The following FRMD3 variants were observed in gnomAD, a reference collection of about 807,000 sequenced individuals.
FRMD3 encodes the protein FERM domain-containing protein 3.
In FRMD3, 33 loss-of-function variants were observed where a neutral mutation model predicts 70.2. The observed-to-expected ratio is 0.47, with a 90% CI of 0.36 to 0.63. FRMD3 has a LOEUF of 0.63. Among genes scored for constraint, FRMD3 ranks in the 20% least tolerant of loss-of-function variants. The pLI is 0.00. For missense variants in FRMD3, 632 were observed against 711.4 expected (o/e 0.89, Z 1.27); for synonymous variants, 279 against 255.9 (o/e 1.09, Z -0.86).
intron 1 of FRMD3, among the ~76,000 whole-genome samples, chr9:83,516,203 T>A (rs1829451932): frequency 1.3e-5 from 2 of 151,686 alleles, no homozygotes; most frequent in Non-Finnish European, 2.9e-5. Context: ...GACCCATCAG[T>A]GTGTTGTATT....
intron 10 of FRMD3, among the ~76,000 whole-genome samples, chr9:83,308,740 C>A (rs1283805598): frequency 6.6e-6 from 1 of 152,154 alleles, no homozygotes; most frequent in Non-Finnish European, 1.5e-5. Context: ...TTTCTATGAT[C>A]CTAGGCTCTG....
rs113242720 is a variant in FRMD3, at chr9:83,509,125, G to A, written c.147+28960C>T. 7.3e-5 allele frequency among the ~76,000 whole-genome samples: 11 copies of A among 151,618 alleles called. 1 individual carries two copies. The highest frequency in any genetic ancestry group is 1.5e-4 in the African/African-American group (6 of 41,216). ...GGAGAATGTAAGCTCCATGAGGACC[G>A]GAATTTCTGTGTGTTTTTTCCGTAG... On this transcript the variant is annotated intron_variant, in intron 1 of 13. Transcript: ENST00000304195.
At chr9:83,323,210 C>A (rs1835870602) in intron 6 of FRMD3, among the ~76,000 whole-genome samples, 1 of 152,078 alleles carries the variant, frequency 6.6e-6, no homozygotes, top group African/African-American at 2.4e-5. Context: ...GCATGTTGCA[C>A]CAAGAAATAG....
intron 1 of FRMD3, among the ~76,000 whole-genome samples, chr9:83,466,907 C>G (rs1037705170): frequency 2.6e-5 from 4 of 152,096 alleles, no homozygotes; most frequent in African/African-American, 9.7e-5. Context: ...CTGGAACACC[C>G]AAAAAGATGC....
In FRMD3 at chr9:83,519,935, T is replaced by G. The variant is rs576604282; in HGVS notation, c.147+18150A>C. Among the ~76,000 whole-genome samples the G allele has an allele frequency of 1.4e-3, 207 of 151,770 alleles. 1 individual carries two copies. The highest frequency in any genetic ancestry group is 4.4e-3 in the African/African-American group (180 of 41,320). ...GCATGTTCTCACTCATAAGTGGGAG[T>G]TGAACAATGAGAACATATGGGCACA... On this transcript the variant is annotated intron_variant, in intron 1 of 13. Transcript: ENST00000304195.
chr9:83,492,358 T>C (rs1564102790), intron 1 of FRMD3, among the ~76,000 whole-genome samples: 1 of 147,528 alleles, frequency 6.8e-6, no homozygotes, highest in African/African-American at 2.6e-5. Flanking sequence ...GAGCTATTTT[T>C]AAAAAGAAAA....
chr9:83,269,657 C>T (rs1005056916), intron 13 of FRMD3, among the ~76,000 whole-genome samples: 4 of 151,866 alleles, frequency 2.6e-5, no homozygotes, highest in East Asian at 1.9e-4. Context: ...TGCAGCAAGC[C>T]GAGATCTCAC....
intron 10 of FRMD3, among the ~76,000 whole-genome samples, chr9:83,303,650 T>G (rs1459361984): frequency 6.6e-6 from 1 of 152,244 alleles, no homozygotes; most frequent in East Asian, 1.9e-4. Context: ...CTTCTAGCAC[T>G]GCCAACACCT....
rs1306467559 is a variant in FRMD3, at chr9:83,247,123, TTTGAAAAA to T, written c.*787_*794del. The T allele has an allele frequency of 1.0e-6, 1 of 985,292 alleles. No homozygotes were observed. The highest frequency in any genetic ancestry group is 1.7e-5 in the African/African-American group (1 of 57,226). 61.0% of individuals were successfully genotyped at this position (985,292 alleles called of 1,614,324 possible). On this transcript the variant is annotated 3_prime_UTR_variant, in exon 14 of 14. Transcript: ENST00000304195. ...ATAACAAGTCCTCTTGTCCAAATAC[TTTGAAAAA>T]TGGACCACCCTGAGTCCACTTGATG...
intron 1 of FRMD3, among the ~76,000 whole-genome samples, chr9:83,502,671 G>C (rs1341390581): frequency 1.3e-5 from 2 of 152,268 alleles, no homozygotes; most frequent in Admixed American, 1.3e-4. Flanking sequence ...GGGCAGCAGA[G>C]GTTACCTCCA....
Position 83,538,205 on chromosome 9 carries a change from C to T in FRMD3, c.27G>A (p.Pro9=). The T allele has an allele frequency of 1.9e-6, 3 of 1,592,132 alleles. No individual in the cohort carries two copies. Among genetic ancestry groups the T allele is most frequent in the African/African-American group, 1.3e-5 (1 of 74,660 alleles). MFASCHCV[P]RGRRTMKMIH... ...TCATTTTCATGGTCCTCCTGCCTCTCGGCACACAGTGGCAGGAGGCGAACA... is the reference window on the plus strand; with the variant it reads ...TCATTTTCATGGTCCTCCTGCCTCTTGGCACACAGTGGCAGGAGGCGAACA... The change falls in exon 1 of 14, where the codon CCG becomes CCA. Residue 9 remains proline (P), a synonymous_variant. Transcript: ENST00000304195. The surrounding 1 kb of genome is among the most constrained non-coding windows in gnomAD (Gnocchi z 4.7).
chr9:83,267,410 G>T, intron 13 of FRMD3: 3 of 757,144 alleles, frequency 4.0e-6, no homozygotes, highest in Non-Finnish European at 5.4e-6. Flanking sequence ...AAACCTTCCG[G>T]ACCAAAACAG....
chr9:83,568,971 C>G, the FRMD3 span, among the ~76,000 whole-genome samples: 10,526 of 148,444 alleles, frequency 0.071, 392 homozygotes, highest in South Asian at 0.11. Context: ...TACATACATA[C>G]ATACATACAT....
chr9:83,504,605 C>G (rs925864813), intron 1 of FRMD3, among the ~76,000 whole-genome samples: 1 of 148,500 alleles, frequency 6.7e-6, no homozygotes, highest in Non-Finnish European at 1.5e-5. Context: ...CTTCCCCCCC[C>G]ACCACTTCTT....
the FRMD3 span, among the ~76,000 whole-genome samples, chr9:83,544,532 A>C: frequency 6.6e-6 from 1 of 152,178 alleles, no homozygotes. Context: ...AAAAAGATCA[A>C]GTATATACCC....
Position 83,247,003 on chromosome 9 carries a change from T to A in FRMD3, c.*915A>T. ...TAATGTACATTGATATGCAACTGAC[T>A]AGCACATCTGTTACCTTTTTTCCTT... On this transcript the variant is annotated 3_prime_UTR_variant, in exon 14 of 14. Coordinates refer to ENST00000304195, the MANE Select transcript of FRMD3 (RefSeq NM_174938.6). 1.0e-5 allele frequency: 10 copies of A among 985,458 alleles called. No individual in the cohort carries two copies. Among genetic ancestry groups the A allele is most frequent in the Non-Finnish European group, 1.2e-5 (10 of 829,932 alleles). 61.0% of individuals were successfully genotyped at this position (985,458 alleles called of 1,614,324 possible).
intron 3 of FRMD3, among the ~76,000 whole-genome samples, chr9:83,357,224 TTTTATATA>T (rs1824382447): frequency 3.6e-5 from 1 of 27,994 alleles, no homozygotes; most frequent in African/African-American, 2.1e-4. Flanking sequence ...AATATATATA[TTTTATATA>T]TATATAATAC....
At chr9:83,427,310 C>T (rs1826839903) in intron 1 of FRMD3, among the ~76,000 whole-genome samples, 1 of 152,170 alleles carries the variant, frequency 6.6e-6, no homozygotes, top group South Asian at 2.1e-4. Context: ...GTCATAGGTT[C>T]CCCTCTGGCC....
the FRMD3 span, among the ~76,000 whole-genome samples, chr9:83,582,779 A>T: frequency 6.6e-6 from 1 of 152,218 alleles, no homozygotes; most frequent in South Asian, 2.1e-4. Flanking sequence ...GTTCCCAAAC[A>T]TTATTTATGG....
Sources: gnomAD v4.1 joint callset for allele counts (sites outside exome capture counted in the v4.1 genomes callset) on GRCh38, gnomAD v4.1.1 for gene constraint, Gnocchi (gnomAD v3.1) non-coding constraint, MANE v1.5 for transcripts, NCBI Gene and HGNC (gene_info 2026-07-23, HGNC 2026-07-21) for gene names.